Variants in MIPOL1 observed in about 807,000 individuals in gnomAD.
MIPOL1 encodes mirror-image polydactyly 1.
A neutral mutation model predicts 60.9 loss-of-function variants in MIPOL1; 57 were observed. The observed-to-expected ratio is 0.94, with a 90% CI of 0.76 to 1.17. The LOEUF (loss-of-function observed/expected upper bound fraction) is 1.17, where lower values mean the gene tolerates loss of function less well. MIPOL1 is among the 50% of genes most tolerant of loss of function. MIPOL1 has a pLI of 0.00. For synonymous variants in MIPOL1, 179 were observed against 168.8 expected (o/e 1.06, Z -0.47); for missense variants, 551 against 511.6 (o/e 1.08, Z -0.74).
chr14:37,358,993 C>G (rs1276279078), intron 9 of MIPOL1, among the ~76,000 whole-genome samples: 2 of 152,170 alleles, frequency 1.3e-5, no homozygotes, highest in Non-Finnish European at 2.9e-5. Flanking sequence ...TTTAATCCAT[C>G]TTGAATTAAT....
At chr14:37,493,668 A>G (rs2095077723) in intron 11 of MIPOL1, among the ~76,000 whole-genome samples, 1 of 152,200 alleles carries the variant, frequency 6.6e-6, no homozygotes, top group South Asian at 2.1e-4. Context: ...TAAATTATAA[A>G]ACTTAAATTT....
intron 3 of MIPOL1, among the ~76,000 whole-genome samples, chr14:37,258,730 A>T (rs1474572002): frequency 6.6e-6 from 1 of 152,144 alleles, no homozygotes; most frequent in East Asian, 1.9e-4. Flanking sequence ...TAAACATATG[A>T]TAGAATTTCA....
intron 1 of MIPOL1, among the ~76,000 whole-genome samples, chr14:37,206,321 T>C (rs1966090149): frequency 6.6e-6 from 1 of 152,160 alleles, no homozygotes; most frequent in African/African-American, 2.4e-5. Context: ...GCCCGAAGCC[T>C]TGGAAGCTTC....
intron 9 of MIPOL1, 94 bp from the exon 10 acceptor site, chr14:37,369,423 A>G: frequency 1.3e-6 from 1 of 745,294 alleles, no homozygotes; most frequent in South Asian, 2.3e-5. Flanking sequence ...TGTCTTTTAG[A>G]GAATACAATG....
At chr14:37,319,896 A>G (rs1294530031) in intron 9 of MIPOL1, among the ~76,000 whole-genome samples, 1 of 152,112 alleles carries the variant, frequency 6.6e-6, no homozygotes, top group Admixed American at 6.6e-5. Context: ...AAAAGGAGTC[A>G]TATGTTATAT....
Position 37,445,086 on chromosome 14 carries a change from C to A in MIPOL1, c.1031+22137C>A, listed in dbSNP as rs187925157. On this transcript the variant is annotated intron_variant, in intron 11 of 12. Coordinates refer to ENST00000684589, the MANE Select transcript of MIPOL1 (RefSeq NM_001388067.1). ...GGAAGTTCTGGCCAGGTCAATTAGG[C>A]AGGAGAAGACAATAAAGGGTATTCA... Among the ~76,000 whole-genome samples the A allele has an allele frequency of 9.2e-5, 14 of 152,230 alleles. No homozygotes were observed. In the East Asian group the frequency reaches 2.7e-3, roughly 29 times the overall value.
intron 1 of MIPOL1, among the ~76,000 whole-genome samples, chr14:37,215,204 A>AT (rs958623924): frequency 1.3e-4 from 20 of 152,226 alleles, no homozygotes; most frequent in African/African-American, 4.8e-4. Flanking sequence ...CACGTGACCA[A>AT]TGTGACCTTA....
At chr14:37,380,194 A>G (rs547823154) in intron 10 of MIPOL1, among the ~76,000 whole-genome samples, 15 of 152,278 alleles carry the variant, frequency 9.9e-5, no homozygotes, top group East Asian at 9.6e-4. Flanking sequence ...AAGTCAGTAT[A>G]TAAAGAAAAC....
At chr14:37,344,330 TAAAA>T (rs2090787978) in intron 9 of MIPOL1, among the ~76,000 whole-genome samples, 1 of 152,002 alleles carries the variant, frequency 6.6e-6, no homozygotes, top group Non-Finnish European at 1.5e-5. Flanking sequence ...AAATTAAAAA[TAAAA>T]TAAAGTCAGT....
intron 12 of MIPOL1, among the ~76,000 whole-genome samples, chr14:37,500,666 T>C (rs907063287): frequency 3.3e-5 from 5 of 152,218 alleles, no homozygotes; most frequent in African/African-American, 1.2e-4. Flanking sequence ...TGCATTTTTA[T>C]TAGAATTTAA....
chr14:37,431,601 CAG>C (rs1272807561), intron 11 of MIPOL1, among the ~76,000 whole-genome samples: 3 of 32,516 alleles, frequency 9.2e-5, no homozygotes, highest in African/African-American at 3.2e-4. Flanking sequence ...TTTTTTGAGA[CAG>C]AGTCTTGCTC....
chr14:37,355,874 A>C (rs1205024031), intron 9 of MIPOL1, among the ~76,000 whole-genome samples: 2 of 149,360 alleles, frequency 1.3e-5, no homozygotes, highest in African/African-American at 4.9e-5. Context: ...AGCTCAGAGT[A>C]ATTTGATCGT....
intron 10 of MIPOL1, among the ~76,000 whole-genome samples, chr14:37,395,485 C>G (rs1777559474): frequency 6.6e-6 from 1 of 151,954 alleles, no homozygotes; most frequent in Admixed American, 6.6e-5. Context: ...AGGTAGATTC[C>G]TAAATATTTT....
At chr14:37,442,996 A>G (rs2094274547) in intron 11 of MIPOL1, among the ~76,000 whole-genome samples, 1 of 152,176 alleles carries the variant, frequency 6.6e-6, no homozygotes, top group Non-Finnish European at 1.5e-5. Context: ...TGGAAATGAA[A>G]GAAATCCAGA....
At chr14:37,248,034 AACATGCACACAGAGACC>A in intron 3 of MIPOL1, 127 bp downstream of exon 3, 8 of 809,974 alleles carry the variant, frequency 9.9e-6, no homozygotes, top group Admixed American at 2.5e-5. Context: ...ACACACACAA[AACATGCACACAGAGACC>A]CAGGGATTAT....
At chr14:37,349,442 C>G (rs868824282) in intron 9 of MIPOL1, among the ~76,000 whole-genome samples, 1 of 152,178 alleles carries the variant, frequency 6.6e-6, no homozygotes, top group Admixed American at 6.5e-5. Context: ...CTGTCCTCAT[C>G]TCCCACTCTT....
At chr14:37,223,216 A>G (rs1176998944) in intron 1 of MIPOL1, among the ~76,000 whole-genome samples, 1 of 151,734 alleles carries the variant, frequency 6.6e-6, no homozygotes, top group Non-Finnish European at 1.5e-5. Context: ...TATTTTTTGT[A>G]GACCTGGGGT....
chr14:37,326,845 AC>A (rs1333900642), intron 9 of MIPOL1, among the ~76,000 whole-genome samples: 1 of 152,218 alleles, frequency 6.6e-6, no homozygotes, highest in African/African-American at 2.4e-5. Context: ...GTGAGCACTC[AC>A]GTGAAACACA....
chr14:37,236,713 C>T (rs1330837860), intron 1 of MIPOL1, among the ~76,000 whole-genome samples: 1 of 152,060 alleles, frequency 6.6e-6, no homozygotes, highest in African/African-American at 2.4e-5. Context: ...GCTGGGATCA[C>T]AGGTGTGAGC....
Sources: allele counts gnomAD v4.1 joint callset (sites outside exome capture counted in the v4.1 genomes callset), GRCh38; gene constraint gnomAD v4.1.1; transcripts MANE v1.5; gene names NCBI Gene and HGNC (gene_info 2026-07-23, HGNC 2026-07-21).